MTA3: variants seen among roughly 807,000 people sequenced by gnomAD.
MTA3 encodes the protein metastasis associated 1 family member 3.
A neutral mutation model predicts 83.5 loss-of-function variants in MTA3; 34 were observed. That is an observed-to-expected ratio of 0.41 (90% confidence interval 0.31 to 0.54). MTA3 has a LOEUF of 0.54. Ranked by LOEUF, MTA3 falls within the 20% of genes least tolerant of loss-of-function variation. The pLI is 0.33. For synonymous variants in MTA3, 303 were observed against 252.7 expected (o/e 1.20, Z -1.89); for missense variants, 761 against 726.4 (o/e 1.05, Z -0.55).
chr2:42,603,203 G>A lies in MTA3; in HGVS notation c.191-6255G>A, dbSNP rs141880612. Among the ~76,000 whole-genome samples the A allele has an allele frequency of 4.7e-3, 714 of 151,504 alleles. 10 individuals carry two copies. The highest frequency in any genetic ancestry group is 0.016 in the African/African-American group (646 of 41,226). On this transcript the variant is annotated intron_variant, in intron 3 of 16. Transcript: ENST00000405094. ...AGGCAGATTGTTAGATGTATAAGCC[G>A]TGAAAGTTTAGTTTTTACCCTAATG...
At chr2:42,532,885 T>A (rs965189222) in intron 2 of MTA3, 5 of 336,456 alleles carry the variant, frequency 1.5e-5, no homozygotes, top group Non-Finnish European at 2.9e-5. Flanking sequence ...CCTTTCTCTT[T>A]GGCTTCTTTT....
intron 3 of MTA3, among the ~76,000 whole-genome samples, chr2:42,598,120 C>T (rs539214688): frequency 4.0e-5 from 6 of 150,318 alleles, no homozygotes; most frequent in South Asian, 2.1e-4. Flanking sequence ...TTGCCCAGGC[C>T]GGAGTGCAGT....
intron 3 of MTA3, among the ~76,000 whole-genome samples, chr2:42,607,875 C>T (rs940059903): frequency 4.6e-5 from 7 of 152,028 alleles, no homozygotes; most frequent in Admixed American, 6.6e-5. Flanking sequence ...CACTTGAACC[C>T]GGGAGATGGA....
chr2:42,711,728 A>C (rs1295785601), intron 14 of MTA3, among the ~76,000 whole-genome samples: 1 of 149,240 alleles, frequency 6.7e-6, no homozygotes, highest in African/African-American at 2.5e-5. Flanking sequence ...TAATAACCTG[A>C]TGTCCATAGG....
chr2:42,711,232 GT>G (rs1558609490), intron 14 of MTA3, among the ~76,000 whole-genome samples: 1 of 152,070 alleles, frequency 6.6e-6, no homozygotes. Flanking sequence ...AGGAAACTCT[GT>G]TTCCCCAGGG....
At chr2:42,496,326 C>T (rs1007512633) in intron 2 of MTA3, among the ~76,000 whole-genome samples, 1 of 152,182 alleles carries the variant, frequency 6.6e-6, no homozygotes, top group Non-Finnish European at 1.5e-5. Context: ...TCAACCACTG[C>T]TGCAGCAGCA....
intron 2 of MTA3, among the ~76,000 whole-genome samples, chr2:42,545,986 C>G (rs774262278): frequency 6.6e-6 from 1 of 152,154 alleles, no homozygotes; most frequent in African/African-American, 2.4e-5. Context: ...ACAGGCTCCG[C>G]GTTAACACTA....
intron 16 of MTA3, among the ~76,000 whole-genome samples, chr2:42,740,236 C>T (rs191852936): frequency 4.6e-5 from 7 of 152,314 alleles, no homozygotes; most frequent in South Asian, 2.1e-4. Context: ...CTTGGCTGGG[C>T]GTGGTGGTTT....
rs180786139 is a variant in MTA3, at chr2:42,647,951, C to G, written c.499+3707C>G. On this transcript the variant is annotated intron_variant, in intron 6 of 16. Transcript: ENST00000405094. Reference sequence around the variant, plus strand: ...CCTCCCAAGTTCAAGCAATTTTCTCCTGCATCAGCCTCCCAAGTGGCTGGG... The same window carrying G: ...CCTCCCAAGTTCAAGCAATTTTCTCGTGCATCAGCCTCCCAAGTGGCTGGG... 4.4e-3 allele frequency among the ~76,000 whole-genome samples: 667 copies of G among 152,308 alleles called. 5 individuals carry two copies. Among genetic ancestry groups the G allele is most frequent in the African/African-American group, 0.015 (640 of 41,568 alleles).
intron 5 of MTA3, among the ~76,000 whole-genome samples, chr2:42,642,491 A>G (rs918288618): frequency 3.9e-5 from 6 of 152,102 alleles, no homozygotes; most frequent in African/African-American, 1.2e-4. Context: ...CGTCGTCTCT[A>G]TTAAAAAAAA....
At chr2:42,733,572 T>A (rs1241095393) in intron 16 of MTA3, among the ~76,000 whole-genome samples, 1 of 152,278 alleles carries the variant, frequency 6.6e-6, no homozygotes, top group African/African-American at 2.4e-5. Context: ...CCTTATCATT[T>A]GTTTCAATAC....
chr2:42,506,614 A>G (rs976875228), intron 2 of MTA3, among the ~76,000 whole-genome samples: 1 of 129,974 alleles, frequency 7.7e-6, no homozygotes, highest in African/African-American at 3.1e-5. Flanking sequence ...GAGATAATTT[A>G]CTTATTATTA....
At chr2:42,709,493 C>A in intron 14 of MTA3, 1 of 206,676 alleles carries the variant, frequency 4.8e-6, no homozygotes, top group Non-Finnish European at 9.3e-6. Flanking sequence ...CAGTACAGTC[C>A]AGTCTTACAT....
chr2:42,518,797 C>T (rs553633117), intron 2 of MTA3, among the ~76,000 whole-genome samples: 24 of 152,058 alleles, frequency 1.6e-4, no homozygotes, highest in Non-Finnish European at 7.4e-5. Flanking sequence ...GAGACCTCAT[C>T]CCTACAAATA....
intron 2 of MTA3, among the ~76,000 whole-genome samples, chr2:42,575,178 C>T (rs1318044702): frequency 2.6e-5 from 4 of 152,184 alleles, no homozygotes; most frequent in South Asian, 2.1e-4. Flanking sequence ...GGCTGTTTCT[C>T]CCTGCAACCA....
chr2:42,581,679 A>C (rs921074142), intron 3 of MTA3: 3 of 190,088 alleles, frequency 1.6e-5, no homozygotes, highest in South Asian at 1.4e-4. Flanking sequence ...CACCACACCC[A>C]ACTAGCAACA....
intron 10 of MTA3, among the ~76,000 whole-genome samples, chr2:42,697,029 C>T (rs1372681321): frequency 6.6e-6 from 1 of 152,146 alleles, no homozygotes; most frequent in Non-Finnish European, 1.5e-5. Context: ...CAAGTTGTCC[C>T]CCTAAGTATT....
chr2:42,665,941 C>A (rs1690192276), intron 8 of MTA3, among the ~76,000 whole-genome samples: 1 of 152,096 alleles, frequency 6.6e-6, no homozygotes, highest in Non-Finnish European at 1.5e-5. Context: ...GAAATTGTGT[C>A]CTGGAACACC....
chr2:42,524,373 T>C (rs1485711497), intron 2 of MTA3, among the ~76,000 whole-genome samples: 1 of 151,778 alleles, frequency 6.6e-6, no homozygotes, highest in Non-Finnish European at 1.5e-5. Flanking sequence ...TGATCTGGGC[T>C]TGCTGCAAGC....
Sources: allele counts gnomAD v4.1 joint callset (sites outside exome capture counted in the v4.1 genomes callset), GRCh38; gene constraint gnomAD v4.1.1; transcripts MANE v1.5; gene names NCBI Gene and HGNC (gene_info 2026-07-23, HGNC 2026-07-21).